ASB7: variants seen among roughly 807,000 people sequenced by gnomAD.
The protein encoded by ASB7 is ankyrin repeat and SOCS box containing 7.
In ASB7, 4 loss-of-function variants were observed where a neutral mutation model predicts 32.5. That is an observed-to-expected ratio of 0.12 (90% CI 0.06 to 0.28). ASB7 has a LOEUF of 0.28. ASB7 is among the 10% of genes least tolerant of loss of function. ASB7 has a pLI of 1.00. For missense variants in ASB7, 181 were observed against 407.1 expected (o/e 0.44, Z 4.78); for synonymous variants, 172 against 155.6 (o/e 1.11, Z -0.78).
intron 5 of ASB7, among the ~76,000 whole-genome samples, chr15:100,642,279 C>T (rs1199354035): frequency 1.3e-5 from 2 of 152,188 alleles, no homozygotes; most frequent in East Asian, 3.8e-4. Flanking sequence ...GTTGTTGGCT[C>T]ATTTTTGCCC....
At chr15:100,628,132 C>T (rs1038200959) in intron 4 of ASB7, among the ~76,000 whole-genome samples, 3 of 152,202 alleles carry the variant, frequency 2.0e-5, no homozygotes, top group African/African-American at 4.8e-5. Context: ...ACAACTAATA[C>T]TACCATTGTG....
intron 5 of ASB7, among the ~76,000 whole-genome samples, chr15:100,644,059 C>T (rs1459283053): frequency 2.6e-5 from 4 of 151,880 alleles, no homozygotes; most frequent in Non-Finnish European, 5.9e-5. Flanking sequence ...ACCAGCCTGA[C>T]CAACATGGTG....
intron 2 of ASB7, among the ~76,000 whole-genome samples, chr15:100,607,553 T>C (rs1448127359): frequency 1.3e-5 from 2 of 152,256 alleles, no homozygotes; most frequent in Non-Finnish European, 2.9e-5. Flanking sequence ...TAAACGTTGA[T>C]GCACTAGTAC....
chr15:100,638,848 C>T (rs1430809493), intron 5 of ASB7, among the ~76,000 whole-genome samples: 1 of 152,128 alleles, frequency 6.6e-6, no homozygotes, highest in African/African-American at 2.4e-5. Context: ...CCTTGTCCCC[C>T]ACTCTCCCAC....
intron 5 of ASB7, among the ~76,000 whole-genome samples, chr15:100,641,569 T>C (rs953199577): frequency 6.6e-6 from 1 of 152,202 alleles, no homozygotes; most frequent in African/African-American, 2.4e-5. Context: ...AGCCCTCACA[T>C]CTCTGCCTGA....
At chr15:100,623,988 A>G (rs1256976675) in intron 4 of ASB7, among the ~76,000 whole-genome samples, 1 of 152,236 alleles carries the variant, frequency 6.6e-6, no homozygotes, top group East Asian at 1.9e-4. Context: ...CAATTTGGCC[A>G]TAAAAAATGA....
At chr15:100,615,278 A>G (rs1005264967) in intron 4 of ASB7, among the ~76,000 whole-genome samples, 1 of 152,206 alleles carries the variant, frequency 6.6e-6, no homozygotes, top group Non-Finnish European at 1.5e-5. Context: ...AGCTTTATTG[A>G]GATGTAATTC....
intron 2 of ASB7, among the ~76,000 whole-genome samples, chr15:100,608,709 T>A (rs2039669443): frequency 1.3e-5 from 2 of 152,196 alleles, no homozygotes; most frequent in African/African-American, 4.8e-5. Flanking sequence ...TTAGAAATAA[T>A]AATAGAATTT....
chr15:100,612,414 T>G lies in ASB7; in HGVS notation c.198T>G (p.Phe66Leu). The G allele has an allele frequency of 6.2e-7, 1 of 1,612,400 alleles. No individual in the cohort carries two copies. The highest frequency in any genetic ancestry group is 8.5e-7 in the Non-Finnish European group (1 of 1,178,278). ...GAAAGGAAAGATGTGTTCGGGTTTTTCTAGAACACGGAGGTGAGTTTTGTA... is the reference window on the plus strand; with the variant it reads ...GAAAGGAAAGATGTGTTCGGGTTTTGCTAGAACACGGAGGTGAGTTTTGTA... ...ARGKERCVRV[F>L]LEHGADPTVK... Residue 66 changes from phenylalanine (F) to leucine (L), a missense_variant, in exon 4 of 6, where the codon TTT (phenylalanine) becomes TTG (leucine). Transcript: ENST00000332783.
chr15:100,650,441 G>A lies in ASB7; in HGVS notation c.*1979G>A, dbSNP rs890990372. 1 of 152,246 alleles carries A rather than the reference G, an allele frequency of 6.6e-6. No individual in the cohort carries two copies. Among genetic ancestry groups the A allele is most frequent in the African/African-American group, 2.4e-5 (1 of 41,410 alleles). 9.4% of individuals were successfully genotyped at this position (152,246 alleles called of 1,614,324 possible). A position where few individuals can be genotyped will look rare whatever the true frequency, so the allele number is the denominator to read the frequency against. ...ACTTCTCCCTACAACCCCAGGCCCAGGGATAGGAGGAGGCAGAGGGGTGCC... is the reference window on the plus strand; with the variant it reads ...ACTTCTCCCTACAACCCCAGGCCCAAGGATAGGAGGAGGCAGAGGGGTGCC... On this transcript the variant is annotated 3_prime_UTR_variant, in exon 6 of 6. Transcript: ENST00000332783.
chr15:100,645,467 C>A, intron 5 of ASB7: 1 of 505,454 alleles, frequency 2.0e-6, no homozygotes, highest in East Asian at 4.1e-5. Context: ...ATTATCTGCT[C>A]CTCCACTCGG....
At chr15:100,619,876 G>A (rs1979711) in intron 4 of ASB7, among the ~76,000 whole-genome samples, 43,090 of 152,144 alleles carry the variant, frequency 0.28, 7,294 homozygotes, top group South Asian at 0.42. Flanking sequence ...AGTCTGAGTC[G>A]AGTAAATGAT....
chr15:100,612,017 G>A (rs2039701018), intron 3 of ASB7, 149 bp from the exon 4 acceptor site: 8 of 562,244 alleles, frequency 1.4e-5, no homozygotes, highest in South Asian at 1.4e-4. Context: ...GGGACTATAG[G>A]CTTGCACCAC....
rs201179254 is a variant in ASB7, at chr15:100,602,864, G to A, written c.-455G>A. 3 of 395,806 alleles carry A rather than the reference G, an allele frequency of 7.6e-6. No individual in the cohort carries two copies. The East Asian group carries it at 1.1e-4, about 14-fold the overall frequency. 24.5% of individuals were successfully genotyped at this position (395,806 alleles called of 1,614,324 possible). ...CACCTCTGCCCCAAGGCTGCCCGGC[G>A]GCCGGGATCGCCACCTCCTGCCTTC... is the stretch of plus-strand genomic sequence containing the variant. On this transcript the variant is annotated 5_prime_UTR_variant, in exon 1 of 6. Transcript: ENST00000332783.
intron 4 of ASB7, among the ~76,000 whole-genome samples, chr15:100,615,777 C>T (rs909319954): frequency 4.6e-5 from 7 of 152,304 alleles, no homozygotes; most frequent in Admixed American, 2.6e-4. Flanking sequence ...TCTGTTCCTC[C>T]TCTTGATTTT....
intron 4 of ASB7, among the ~76,000 whole-genome samples, chr15:100,625,989 T>C (rs1284080827): frequency 6.6e-6 from 1 of 152,194 alleles, no homozygotes; most frequent in Non-Finnish European, 1.5e-5. Flanking sequence ...ACTTACGTTA[T>C]ACCACACAGA....
rs990229611 is a variant in ASB7 at position 100,648,873 on chromosome 15, C to A, written c.*411C>A. ...GTTAACGTTTGGAGGCACAGTTTCA[C>A]CCAGGGCGACCCTGGGTTCTTTTGG... is the stretch of plus-strand genomic sequence containing the variant. On this transcript the variant is annotated 3_prime_UTR_variant, in exon 6 of 6. Coordinates refer to ENST00000332783, the MANE Select transcript of ASB7 (RefSeq NM_198243.3). 1 of 153,626 alleles carries A rather than the reference C, an allele frequency of 6.5e-6. No individual in the cohort carries two copies. The highest frequency in any genetic ancestry group is 1.5e-5 in the Non-Finnish European group (1 of 68,812). The allele number at this position is 153,626 out of a possible 1,614,324, so 9.5% of individuals were successfully genotyped here.
rs558467422 is a variant in ASB7 at position 100,640,018 on chromosome 15, G to A, written c.818-8305G>A. 1.6e-4 allele frequency among the ~76,000 whole-genome samples: 24 copies of A among 152,298 alleles called. No individual in the cohort carries two copies. The South Asian group carries it at 3.5e-3, about 22-fold the overall frequency. ...AATACCGTAATTGTTATTTTAAGGA[G>A]AGCTGGAAACTGCCTTTGTCCTATA... On this transcript the variant is annotated intron_variant, in intron 5 of 5. Transcript: ENST00000332783.
At chr15:100,640,476 T>G (rs1274571069) in intron 5 of ASB7, among the ~76,000 whole-genome samples, 1 of 152,064 alleles carries the variant, frequency 6.6e-6, no homozygotes, top group Non-Finnish European at 1.5e-5. Flanking sequence ...GAAGCTGAAA[T>G]AAAACAGAGG....
Sources: gnomAD v4.1 joint callset for allele counts (sites outside exome capture counted in the v4.1 genomes callset) on GRCh38, gnomAD v4.1.1 for gene constraint, MANE v1.5 for transcripts, NCBI Gene and HGNC (gene_info 2026-07-23, HGNC 2026-07-21) for gene names.